KDM4C: variants seen among roughly 807,000 people sequenced by gnomAD.
The protein encoded by KDM4C is lysine demethylase 4C, also known as lysine-specific demethylase 4C.
Under a neutral mutation model 129.3 loss-of-function variants are expected in KDM4C, and 81 were observed. The observed-to-expected ratio is 0.63, with a 90% CI of 0.52 to 0.75. The LOEUF is 0.75. KDM4C is among the 30% of genes least tolerant of loss of function. KDM4C has a pLI of 0.00. For synonymous variants in KDM4C, 573 were observed against 456.1 expected, an observed-to-expected ratio of 1.26 and a Z score of -3.26; for missense variants, 1,457 against 1,304.0, an observed-to-expected ratio of 1.12 and a Z score of -1.81.
At chr9:6,926,218 C>T (rs1272778065) in intron 8 of KDM4C, among the ~76,000 whole-genome samples, 2 of 140,004 alleles carry the variant, frequency 1.4e-5, no homozygotes, top group East Asian at 3.9e-4. Context: ...TTTCCTGAGG[C>T]TGTAGGACTC....
intron 8 of KDM4C, among the ~76,000 whole-genome samples, chr9:6,967,911 C>G (rs569607122): frequency 1.3e-5 from 2 of 152,240 alleles, no homozygotes; most frequent in South Asian, 4.2e-4. Flanking sequence ...GTAAATGGTT[C>G]TTTGATTCCA....
intron 1 of KDM4C, among the ~76,000 whole-genome samples, chr9:6,783,016 G>A (rs556521982): frequency 6.6e-6 from 1 of 152,270 alleles, no homozygotes; most frequent in South Asian, 2.1e-4. Context: ...GGGTAGGCTT[G>A]GGAAGGCTCT....
At chr9:7,013,645 A>G (rs566652943) in intron 13 of KDM4C, 143 bp from the exon 14 acceptor site, 1 of 695,164 alleles carries the variant, frequency 1.4e-6, no homozygotes, top group Non-Finnish European at 2.3e-6. Flanking sequence ...TTTAAAAAAA[A>G]CTAGTAGTTT....
intron 2 of KDM4C, among the ~76,000 whole-genome samples, chr9:6,800,489 C>T (rs984402337): frequency 4.6e-5 from 7 of 150,818 alleles, no homozygotes; most frequent in East Asian, 1.9e-4. Flanking sequence ...CTGTGAGCTG[C>T]GATCATGCCA....
intron 17 of KDM4C, among the ~76,000 whole-genome samples, chr9:7,055,274 T>G (rs1830718965): frequency 6.6e-6 from 1 of 152,206 alleles, no homozygotes; most frequent in African/African-American, 2.4e-5. Context: ...TTTCTATGTC[T>G]TTAGACCTTT....
chr9:6,982,141 T>A (rs1316006193), intron 9 of KDM4C: 3 of 152,102 alleles, frequency 2.0e-5, no homozygotes. Context: ...GTAGCTTGTG[T>A]CCACTTTTTT....
At chr9:7,029,933 T>C (rs2132346958) in intron 15 of KDM4C, among the ~76,000 whole-genome samples, 1 of 152,312 alleles carries the variant, frequency 6.6e-6, no homozygotes, top group South Asian at 2.1e-4. Flanking sequence ...CCAAATAAAG[T>C]ATCAGTTGTG....
intron 17 of KDM4C, among the ~76,000 whole-genome samples, chr9:7,049,741 C>G (rs947744749): frequency 6.6e-6 from 1 of 152,066 alleles, no homozygotes; most frequent in Non-Finnish European, 1.5e-5. Context: ...AAAATCTTCC[C>G]ATTGGTTTCT....
At chr9:6,858,798 TGTTAGTAGTTAACAA>T (rs1840394633) in intron 5 of KDM4C, among the ~76,000 whole-genome samples, 1 of 151,910 alleles carries the variant, frequency 6.6e-6, no homozygotes, top group Admixed American at 6.6e-5. Context: ...AAAATTACTA[TGTTAGTAGTTAACAA>T]GTTATTTTAC....
chr9:6,907,347 G>A (rs768934785), intron 8 of KDM4C, among the ~76,000 whole-genome samples: 1 of 152,018 alleles, frequency 6.6e-6, no homozygotes, highest in Non-Finnish European at 1.5e-5. Context: ...TCTTTTATGC[G>A]GTCTACTTCT....
intron 4 of KDM4C, among the ~76,000 whole-genome samples, chr9:6,825,144 C>G (rs1056771770): frequency 1.1e-4 from 10 of 93,704 alleles, no homozygotes; most frequent in African/African-American, 4.9e-4. Context: ...GAAACTCGGT[C>G]TCAAAAAAAA....
At chr9:6,725,184 C>T (rs1481588847) in intron 1 of KDM4C, among the ~76,000 whole-genome samples, 6 of 152,148 alleles carry the variant, frequency 3.9e-5, no homozygotes, top group East Asian at 3.9e-4. Context: ...AGATCGAGGC[C>T]GAGGCCACTG....
intron 1 of KDM4C, among the ~76,000 whole-genome samples, chr9:6,788,193 G>A (rs1825861091): frequency 6.6e-6 from 1 of 152,104 alleles, no homozygotes; most frequent in Non-Finnish European, 1.5e-5. Context: ...CTTACCCTTG[G>A]TTCTTCTTCA....
At chr9:7,079,877 A>G (rs545134029) in intron 17 of KDM4C, among the ~76,000 whole-genome samples, 3 of 152,302 alleles carry the variant, frequency 2.0e-5, no homozygotes, top group African/African-American at 7.2e-5. Context: ...CTTGATCTGC[A>G]TGAGAGTGAA....
intron 15 of KDM4C, among the ~76,000 whole-genome samples, chr9:7,040,107 G>A (rs73401840): frequency 0.056 from 8,451 of 151,998 alleles, 265 homozygotes; most frequent in South Asian, 0.096. Flanking sequence ...AGCACACTCT[G>A]CCTTCAAATA....
At chr9:7,124,595 G>T (rs1839842698) in intron 18 of KDM4C, among the ~76,000 whole-genome samples, 1 of 152,302 alleles carries the variant, frequency 6.6e-6, no homozygotes, top group South Asian at 2.1e-4. Flanking sequence ...GGGGATGAAT[G>T]GGGGTAAAGT....
At chr9:6,722,517 A>ATTTTT (rs71315551) in intron 1 of KDM4C, among the ~76,000 whole-genome samples, 3 of 134,622 alleles carry the variant, frequency 2.2e-5, no homozygotes, top group Admixed American at 7.5e-5. Flanking sequence ...ATGTCTATAT[A>ATTTTT]TTTTTTTTTT....
chr9:7,093,724 T>A (rs1001285410), intron 17 of KDM4C, among the ~76,000 whole-genome samples: 8 of 152,220 alleles, frequency 5.3e-5, no homozygotes, highest in Admixed American at 5.2e-4. Flanking sequence ...TAAAATACTA[T>A]AAACATCAGT....
upstream of KDM4C, chr9:6,757,901 T>G: frequency 1.0e-6 from 1 of 985,378 alleles, no homozygotes; most frequent in Non-Finnish European, 1.2e-6. Flanking sequence ...TTTAAGCTGT[T>G]TGTAAGCCCA....
Sources: allele counts gnomAD v4.1 joint callset (sites outside exome capture counted in the v4.1 genomes callset), GRCh38; gene constraint gnomAD v4.1.1; transcripts MANE v1.5; gene names NCBI Gene and HGNC (gene_info 2026-07-23, HGNC 2026-07-21).